Variants in PCGF6 observed in about 807,000 individuals in gnomAD.
PCGF6 encodes the protein polycomb group RING finger protein 6.
In PCGF6, 24 loss-of-function variants were observed where a neutral mutation model predicts 45.5. The ratio of observed to expected loss-of-function variants is 0.53; its 90% CI spans 0.38 to 0.74. The LOEUF is 0.74. Among genes scored for constraint, PCGF6 ranks in the 30% least tolerant of loss-of-function variants. The probability of loss-of-function intolerance (pLI) is 0.00; values close to 1 mark genes in which losing one functional copy is unlikely to be tolerated. For synonymous variants in PCGF6, 152 were observed against 162.1 expected (o/e 0.94, Z 0.47); for missense variants, 356 against 443.2 (o/e 0.80, Z 1.77).
At chr10:103,327,029 G>A (rs1381649943) in intron 7 of PCGF6, among the ~76,000 whole-genome samples, 5 of 152,170 alleles carry the variant, frequency 3.3e-5, no homozygotes, top group African/African-American at 1.2e-4. Flanking sequence ...GCTCACGCCT[G>A]CAATCCCAGC....
intron 8 of PCGF6, among the ~76,000 whole-genome samples, chr10:103,316,735 C>T (rs1010105673): frequency 1.2e-4 from 19 of 152,120 alleles, no homozygotes; most frequent in African/African-American, 4.3e-4. Flanking sequence ...AAAGCAGCCA[C>T]GGTGTGGCTG....
At chr10:103,318,002 C>A in intron 8 of PCGF6, among the ~76,000 whole-genome samples, 1 of 151,538 alleles carries the variant, frequency 6.6e-6, no homozygotes, top group East Asian at 2.0e-4. Context: ...GGCAATCCGC[C>A]CACTTCAGCC....
intron 5 of PCGF6, among the ~76,000 whole-genome samples, chr10:103,346,999 T>C (rs565683538): frequency 6.6e-6 from 1 of 152,322 alleles, no homozygotes; most frequent in South Asian, 2.1e-4. Flanking sequence ...CGTATGTAAC[T>C]GGCTTGGCTT....
At chr10:103,325,891 C>T (rs540979268) in intron 8 of PCGF6, among the ~76,000 whole-genome samples, 3 of 150,430 alleles carry the variant, frequency 2.0e-5, no homozygotes, top group African/African-American at 7.3e-5. Flanking sequence ...GGCATGGTGG[C>T]ATGTGCCTCT....
chr10:103,327,570 AT>A (rs2093223482), intron 7 of PCGF6, among the ~76,000 whole-genome samples: 1 of 152,160 alleles, frequency 6.6e-6, no homozygotes, highest in Non-Finnish European at 1.5e-5. Flanking sequence ...CTTAACATGA[AT>A]TTATAATTAT....
chr10:103,314,846 T>C (rs949376064), intron 8 of PCGF6, among the ~76,000 whole-genome samples: 1 of 150,618 alleles, frequency 6.6e-6, no homozygotes, highest in Non-Finnish European at 1.5e-5. Flanking sequence ...TCCCAGCTAC[T>C]TGGGAGGCTG....
intron 9 of PCGF6, among the ~76,000 whole-genome samples, chr10:103,306,931 C>A (rs1463123964): frequency 6.6e-6 from 1 of 151,894 alleles, no homozygotes; most frequent in Admixed American, 6.6e-5. Context: ...TAGTGAGACC[C>A]CGTCTCTACA....
At chr10:103,350,484 A>G (rs1266317242) in intron 1 of PCGF6, among the ~76,000 whole-genome samples, 1 of 152,156 alleles carries the variant, frequency 6.6e-6, no homozygotes, top group Non-Finnish European at 1.5e-5. Context: ...AGCCTAAGTG[A>G]CCTGCAAGAA....
chr10:103,345,976 T>A (rs184291197), intron 5 of PCGF6, among the ~76,000 whole-genome samples: 1 of 150,212 alleles, frequency 6.7e-6, no homozygotes, highest in African/African-American at 2.4e-5. Flanking sequence ...GTGGATCACT[T>A]CAGGTCAGGA....
At chr10:103,304,683 T>C (rs2093131804) in intron 9 of PCGF6, among the ~76,000 whole-genome samples, 2 of 136,928 alleles carry the variant, frequency 1.5e-5, no homozygotes, top group South Asian at 2.3e-4. Flanking sequence ...GAAGACAGGG[T>C]CTTGCTGTGT....
intron 9 of PCGF6, among the ~76,000 whole-genome samples, chr10:103,306,902 A>C (rs2093140115): frequency 6.6e-6 from 1 of 152,034 alleles, no homozygotes; most frequent in Non-Finnish European, 1.5e-5. Context: ...CCAGGAGTTC[A>C]AGACCACACT....
rs578014126 is a variant in PCGF6, at chr10:103,327,644, A to T, written c.811-1012T>A. ...TGCCTACTTTTGTATAAGTTTTAAA[A>T]TTTTCATAATAAAGGGAATTCTTTT... is the stretch of plus-strand genomic sequence containing the variant. On this transcript the variant is annotated intron_variant, in intron 7 of 9. Coordinates refer to ENST00000369847, the MANE Select transcript of PCGF6 (RefSeq NM_001011663.2). Among the ~76,000 whole-genome samples the T allele has an allele frequency of 2.6e-5, 4 of 151,710 alleles. No individual in the cohort carries two copies. In the South Asian group the frequency reaches 6.3e-4, roughly 24 times the overall value.
chr10:103,322,936 T>C (rs1592062042), intron 8 of PCGF6, among the ~76,000 whole-genome samples: 1 of 147,710 alleles, frequency 6.8e-6, no homozygotes, highest in Non-Finnish European at 1.5e-5. Context: ...ACACAAAACA[T>C]ACACACACAC....
intron 6 of PCGF6, among the ~76,000 whole-genome samples, 172 bp downstream of exon 6, chr10:103,344,852 G>A (rs1417426875): frequency 6.6e-6 from 1 of 152,118 alleles, no homozygotes; most frequent in African/African-American, 2.4e-5. Context: ...TTACAGGCGT[G>A]AGCCACTGCA....
intron 9 of PCGF6, among the ~76,000 whole-genome samples, chr10:103,310,887 G>A (rs1592054817): frequency 6.6e-6 from 1 of 152,106 alleles, no homozygotes; most frequent in Non-Finnish European, 1.5e-5. Context: ...ATTTCGTAGA[G>A]ATGGGGTTTC....
intron 6 of PCGF6, among the ~76,000 whole-genome samples, chr10:103,336,177 G>A (rs1272565731): frequency 6.6e-6 from 1 of 151,172 alleles, no homozygotes; most frequent in Non-Finnish European, 1.5e-5. Context: ...AAGGTTGCAG[G>A]GAGTCAAGAT....
At chr10:103,343,231 G>A (rs2093287425) in intron 6 of PCGF6, among the ~76,000 whole-genome samples, 1 of 151,628 alleles carries the variant, frequency 6.6e-6, no homozygotes, top group Admixed American at 6.6e-5. Flanking sequence ...CCCGGCCTTA[G>A]GGGTTCTTAA....
intron 1 of PCGF6, among the ~76,000 whole-genome samples, chr10:103,349,748 T>A (rs1490332574): frequency 6.7e-6 from 1 of 150,304 alleles, no homozygotes; most frequent in East Asian, 2.0e-4. Flanking sequence ...GCGGGGATTA[T>A]AGGCGTGAGC....
At chr10:103,336,126 C>T (rs903228410) in intron 6 of PCGF6, among the ~76,000 whole-genome samples, 2 of 151,498 alleles carry the variant, frequency 1.3e-5, no homozygotes, top group Admixed American at 6.6e-5. Context: ...CCCAGCTACT[C>T]GGGAGGCTGA....
Sources: gnomAD v4.1 joint callset for allele counts (sites outside exome capture counted in the v4.1 genomes callset) on GRCh38, gnomAD v4.1.1 for gene constraint, MANE v1.5 for transcripts, NCBI Gene and HGNC (gene_info 2026-07-23, HGNC 2026-07-21) for gene names.